ELF1: variants seen among roughly 807,000 people sequenced by gnomAD.
ELF1 encodes the protein E74 like ETS transcription factor 1, also known as ETS-related transcription factor Elf-1.
Under a neutral mutation model 59.9 loss-of-function variants are expected in ELF1, and 24 were observed. That is an observed-to-expected ratio of 0.40 (90% CI 0.29 to 0.56). The LOEUF (loss-of-function observed/expected upper bound fraction) is 0.56. Ranked by LOEUF, ELF1 falls within the 20% of genes least tolerant of loss-of-function variation. The pLI, the probability that ELF1 is intolerant of heterozygous loss-of-function variation, is 0.44. For synonymous variants in ELF1, 248 were observed against 266.2 expected (o/e 0.93, Z 0.67); for missense variants, 627 against 742.2 (o/e 0.84, Z 1.80).
intron 1 of ELF1, among the ~76,000 whole-genome samples, chr13:41,047,912 G>A (rs919672552): frequency 1.3e-5 from 2 of 152,366 alleles, no homozygotes; most frequent in Non-Finnish European, 2.9e-5. Flanking sequence ...TCCTTGAGCT[G>A]CAATGGGCTC....
At chr13:41,033,290 G>C (rs1461347053) in intron 1 of ELF1, among the ~76,000 whole-genome samples, 11 of 152,112 alleles carry the variant, frequency 7.2e-5, no homozygotes, top group Admixed American at 6.5e-4. Flanking sequence ...AACTCTCTAA[G>C]CCTCTGTTTT....
rs141574189 is a variant in ELF1 at position 41,024,440 on chromosome 13, C to T, written c.-229+36398G>A. Among the ~76,000 whole-genome samples the T allele has an allele frequency of 8.4e-3, 1,284 of 152,348 alleles. 20 individuals are homozygous for T. The highest frequency in any genetic ancestry group is 0.029 in the African/African-American group (1,215 of 41,576). ...TGCCTCCCAGGCGATCCTCCCACCT[C>T]AGCCTCCTGAGTAGCTGGGACTACA... On this transcript the variant is annotated intron_variant, in intron 1 of 1. Transcript: ENST00000405737.
At chr13:41,009,952 T>C (rs1446146685) in intron 1 of ELF1, among the ~76,000 whole-genome samples, 1 of 151,974 alleles carries the variant, frequency 6.6e-6, no homozygotes, top group Non-Finnish European at 1.5e-5. Flanking sequence ...AGAGCCTTTG[T>C]TTTCCTAGGT....
At chr13:41,037,328 A>T (rs1876422016) in intron 1 of ELF1, among the ~76,000 whole-genome samples, 1 of 152,222 alleles carries the variant, frequency 6.6e-6, no homozygotes, top group African/African-American at 2.4e-5. Flanking sequence ...GTCAAGTAAC[A>T]GAATAATGAG....
chr13:41,047,518 G>A (rs1203266400), intron 1 of ELF1, among the ~76,000 whole-genome samples: 1 of 152,194 alleles, frequency 6.6e-6, no homozygotes, highest in East Asian at 1.9e-4. Flanking sequence ...CAGGCTGCAG[G>A]TCTGTTGGAG....
intron 5 of ELF1, among the ~76,000 whole-genome samples, chr13:40,947,670 T>C (rs911787104): frequency 3.3e-5 from 5 of 152,218 alleles, no homozygotes; most frequent in South Asian, 2.1e-4. Context: ...GAAGCTCTTA[T>C]AGAATTGCTC....
intron 2 of ELF1, among the ~76,000 whole-genome samples, chr13:40,970,494 T>G (rs1218888277): frequency 6.6e-6 from 1 of 152,246 alleles, no homozygotes; most frequent in Non-Finnish European, 1.5e-5. Context: ...GACTGTAAAC[T>G]ACAAAGAGCT....
intron 2 of ELF1, among the ~76,000 whole-genome samples, chr13:40,981,154 T>G (rs192132793): frequency 5.4e-4 from 82 of 152,312 alleles, no homozygotes; most frequent in African/African-American, 1.9e-3. Context: ...TTAGGCTTAT[T>G]TCAGTGATAA....
At chr13:41,035,848 AAC>A (rs1566195958) in intron 1 of ELF1, among the ~76,000 whole-genome samples, 14 of 142,538 alleles carry the variant, frequency 9.8e-5, no homozygotes, top group African/African-American at 2.6e-4. Context: ...AAAAAAAAAC[AAC>A]AACAACAACA....
intron 3 of ELF1, among the ~76,000 whole-genome samples, chr13:40,956,263 G>C (rs1197132834): frequency 6.6e-6 from 1 of 151,980 alleles, no homozygotes; most frequent in Non-Finnish European, 1.5e-5. Context: ...CTGTTGATCT[G>C]TGACCTTACC....
intron 8 of ELF1, among the ~76,000 whole-genome samples, chr13:40,940,386 G>GGA (rs1491198697): frequency 9.1e-6 from 1 of 109,896 alleles, no homozygotes; most frequent in African/African-American, 4.9e-5. Context: ...TGATTTAACT[G>GGA]AAAAAAAAAA....
chr13:40,958,117 A>G (rs1871568904), intron 3 of ELF1, among the ~76,000 whole-genome samples: 1 of 152,254 alleles, frequency 6.6e-6, no homozygotes, highest in Admixed American at 6.5e-5. Flanking sequence ...AAGATATATG[A>G]CTGTAAATGA....
chr13:40,935,801 T>C (rs1869728981), intron 8 of ELF1, among the ~76,000 whole-genome samples: 1 of 151,670 alleles, frequency 6.6e-6, no homozygotes, highest in Admixed American at 6.6e-5. Flanking sequence ...GCCTCCCGAG[T>C]AGCTGGGATT....
rs759765268 is a variant in ELF1 at position 40,933,662 on chromosome 13, A to T, written c.1623T>A (p.Ser541Arg). ...TAPVVTFSPRSSQLVAHPPGT... is the reference protein window; with the variant it reads ...TAPVVTFSPRRSQLVAHPPGT... ...CAGGTGGGTGAGCAACCAGCTGTGAACTGCGAGGAGAAAAGGTCACCACAG... is the reference window on the plus strand; with the variant it reads ...CAGGTGGGTGAGCAACCAGCTGTGATCTGCGAGGAGAAAAGGTCACCACAG... The change falls in exon 9 of 9, where the codon AGT (serine) becomes AGA (arginine). Residue 541 changes from serine (S) to arginine (R), a missense_variant. Physicochemically the swap from Ser to Arg is moderately radical, Grantham distance 110. This residue lies in a region of ELF1 where 361 missense variants were observed against 396.1 expected (regional missense o/e 0.91). Transcript: ENST00000239882. 2 of 1,614,262 alleles carry T rather than the reference A, an allele frequency of 1.2e-6. No individual in the cohort carries two copies. Among genetic ancestry groups the T allele is most frequent in the South Asian group, 2.2e-5 (2 of 91,088 alleles).
At chr13:40,949,615 A>G (rs9590563) in intron 5 of ELF1, among the ~76,000 whole-genome samples, 191 bp downstream of exon 5, 29,796 of 152,056 alleles carry the variant, frequency 0.2, 3,379 homozygotes, top group African/African-American at 0.3. Context: ...TCGGCCTCCT[A>G]AAGTGCTGGG....
chr13:40,995,075 A>G (rs1047185075), intron 1 of ELF1, among the ~76,000 whole-genome samples: 1 of 152,168 alleles, frequency 6.6e-6, no homozygotes, highest in Non-Finnish European at 1.5e-5. Flanking sequence ...GTATTCTGTT[A>G]TAAGAAGTTT....
intron 1 of ELF1, among the ~76,000 whole-genome samples, chr13:41,035,479 C>T (rs1252746553): frequency 6.6e-6 from 1 of 151,486 alleles, no homozygotes; most frequent in Non-Finnish European, 1.5e-5. Context: ...GTCTAAAGTA[C>T]ACAAAAAGCC....
At chr13:41,002,512 G>A (rs1804843598) in intron 1 of ELF1, among the ~76,000 whole-genome samples, 1 of 146,460 alleles carries the variant, frequency 6.8e-6, no homozygotes, top group South Asian at 2.2e-4. Context: ...ATGGTGGCAT[G>A]AGCTGGTGGT....
chr13:40,995,076 TAAG>T (rs1197780010), intron 1 of ELF1, among the ~76,000 whole-genome samples: 1 of 152,196 alleles, frequency 6.6e-6, no homozygotes, highest in Non-Finnish European at 1.5e-5. Flanking sequence ...TATTCTGTTA[TAAG>T]AAGTTTCACT....
Sources: gnomAD v4.1 joint callset for allele counts (sites outside exome capture counted in the v4.1 genomes callset) on GRCh38, gnomAD v4.1.1 for gene constraint, gnomAD v4.1.1 regional missense constraint, MANE v1.5 for transcripts, NCBI Gene and HGNC (gene_info 2026-07-23, HGNC 2026-07-21) for gene names.